The following PTGER3 variants were observed in gnomAD, a reference collection of about 807,000 sequenced individuals.
PTGER3 encodes the protein prostaglandin E2 receptor EP3 subtype.
In PTGER3, 22 loss-of-function variants were observed where a neutral mutation model predicts 34.7. The ratio of observed to expected loss-of-function variants is 0.63; its 90% CI spans 0.45 to 0.91. The LOEUF (loss-of-function observed/expected upper bound fraction) is 0.91, where lower values mean the gene tolerates loss of function less well. Among genes scored for constraint, PTGER3 ranks in the 40% least tolerant of loss-of-function variants. The pLI is 0.00. For synonymous variants in PTGER3, 241 were observed against 230.1 expected (o/e 1.05, Z -0.43); for missense variants, 468 against 519.4 (o/e 0.90, Z 0.96).
At position 71,012,404 on chromosome 1, in the gene PTGER3, G is replaced by C; in HGVS notation, c.978C>G (p.Asn326Lys). 6.2e-7 allele frequency: 1 copy of C among 1,614,140 alleles called. No homozygotes were observed. The highest frequency in any genetic ancestry group is 8.5e-7 in the Non-Finnish European group (1 of 1,180,020). ...CCAGGCGAACAGCTATTAAGAAGAA[G>C]TTGCATTCTTTCTGCTTCTCCGTGT... is the stretch of plus-strand genomic sequence containing the variant. ...KTHTEKQKECNFFLIAVRLAS... is the reference protein window; with the variant it reads ...KTHTEKQKECKFFLIAVRLAS... Residue 326 changes from asparagine (N) to lysine (K), a missense_variant, in exon 2 of 4, where the codon AAC becomes AAG. Coordinates refer to ENST00000306666, the MANE Select transcript of PTGER3 (RefSeq NM_198719.2).
At chr1:70,927,131 T>C (rs1648175447) in intron 4 of PTGER3, among the ~76,000 whole-genome samples, 1 of 152,246 alleles carries the variant, frequency 6.6e-6, no homozygotes, top group Admixed American at 6.5e-5. Flanking sequence ...AGGATATTGG[T>C]CTAAAATTCT....
intron 4 of PTGER3, among the ~76,000 whole-genome samples, chr1:70,912,542 T>C (rs1451519736): frequency 1.3e-5 from 2 of 152,082 alleles, no homozygotes; most frequent in Non-Finnish European, 2.9e-5. Flanking sequence ...TTGGAACCAC[T>C]ATTTTAAATC....
chr1:71,046,021 C>A (rs1016122230), intron 1 of PTGER3, among the ~76,000 whole-genome samples: 1 of 150,770 alleles, frequency 6.6e-6, no homozygotes, highest in South Asian at 2.1e-4. Flanking sequence ...CGGCCGGGCG[C>A]GGTGGCTCAC....
intron 2 of PTGER3, among the ~76,000 whole-genome samples, chr1:70,958,362 GA>G (rs1428150375): frequency 6.6e-6 from 1 of 152,044 alleles, no homozygotes; most frequent in African/African-American, 2.4e-5. Context: ...TTGTCTTTTT[GA>G]AAAAAGCTGT....
chr1:70,993,631 C>A (rs1422059253), intron 2 of PTGER3, among the ~76,000 whole-genome samples: 1 of 152,180 alleles, frequency 6.6e-6, no homozygotes, highest in Non-Finnish European at 1.5e-5. Context: ...GACTGGGAGG[C>A]TGCTCAGGTG....
chr1:70,882,521 C>T (rs180735702), intron 4 of PTGER3, among the ~76,000 whole-genome samples: 1 of 152,302 alleles, frequency 6.6e-6, no homozygotes, highest in Admixed American at 6.5e-5. Flanking sequence ...TTATTTCTCC[C>T]AGACACTGCA....
rs145909237 is a variant in PTGER3 at position 70,939,000 on chromosome 1, C to T, written c.*23+14763G>A. ...AACCCAAAAGTCCACAATTGAAAGTCTCATCTGAGACAAGACAAATCCCTT... is the reference window on the plus strand; with the variant it reads ...AACCCAAAAGTCCACAATTGAAAGTTTCATCTGAGACAAGACAAATCCCTT... On this transcript the variant is annotated intron_variant, in intron 4 of 4. Transcript: ENST00000370931. Among the ~76,000 whole-genome samples the T allele has an allele frequency of 7.1e-3, 1,085 of 152,272 alleles. 12 individuals are homozygous for T. Among genetic ancestry groups the T allele is most frequent in the African/African-American group, 0.025 (1,041 of 41,536 alleles).
intron 2 of PTGER3, among the ~76,000 whole-genome samples, chr1:70,979,305 A>G (rs992020079): frequency 1.4e-5 from 2 of 141,406 alleles, no homozygotes; most frequent in African/African-American, 5.3e-5. Context: ...TTTATAGGTG[A>G]AAAAAAAAAA....
chr1:70,976,575 T>C (rs1449179539), intron 2 of PTGER3, among the ~76,000 whole-genome samples: 4 of 152,308 alleles, frequency 2.6e-5, no homozygotes, highest in South Asian at 4.1e-4. Flanking sequence ...TTGTTACTAC[T>C]GTTTCTGACC....
In PTGER3 at chr1:70,971,349, CA is replaced by C. The variant is rs1429677392; in HGVS notation, c.*380del. ...ATACTGATTTTTCAAACTCATATTG[CA>C]AAAGCAAGCTATCATGAAATGTAAA... On this transcript the variant is annotated 3_prime_UTR_variant, in exon 4 of 4. Coordinates refer to ENST00000306666, the MANE Select transcript of PTGER3 (RefSeq NM_198719.2). 3.0e-6 allele frequency: 3 copies of C among 1,000,926 alleles called. No homozygotes were observed. The highest frequency in any genetic ancestry group is 3.6e-6 in the Non-Finnish European group (3 of 840,698). The allele number at this position is 1,000,926 out of a possible 1,614,324, so 62.0% of individuals were successfully genotyped here.
At chr1:70,970,012 G>T (rs1342380528), downstream of PTGER3, among the ~76,000 whole-genome samples, 2 of 143,610 alleles carry the variant, frequency 1.4e-5, no homozygotes, top group African/African-American at 2.8e-5. Flanking sequence ...GGCACAGCCA[G>T]ATTTAAATCC....
intron 4 of PTGER3, among the ~76,000 whole-genome samples, chr1:70,882,244 C>T (rs1486354058): frequency 1.3e-5 from 2 of 152,164 alleles, no homozygotes; most frequent in African/African-American, 2.4e-5. Context: ...GTCACCCACC[C>T]TACCATCTGG....
At chr1:70,952,047 G>T (rs1214173165), downstream of PTGER3, among the ~76,000 whole-genome samples, 1 of 152,150 alleles carries the variant, frequency 6.6e-6, no homozygotes, top group Non-Finnish European at 1.5e-5. Flanking sequence ...GGGCAGGAAA[G>T]ATCCTTATGT....
chr1:70,939,630 G>A (rs567756857), intron 4 of PTGER3, among the ~76,000 whole-genome samples: 1 of 152,228 alleles, frequency 6.6e-6, no homozygotes, highest in Non-Finnish European at 1.5e-5. Context: ...GCACCCACAG[G>A]CTCAACACCA....
At chr1:70,878,286 G>A (rs914019083) in intron 4 of PTGER3, among the ~76,000 whole-genome samples, 1 of 151,990 alleles carries the variant, frequency 6.6e-6, no homozygotes, top group Non-Finnish European at 1.5e-5. Flanking sequence ...TCTTTGAGGT[G>A]TTTTTGTGTT....
intron 4 of PTGER3, among the ~76,000 whole-genome samples, chr1:70,868,403 C>T (rs17481440): frequency 0.036 from 5,430 of 152,254 alleles, 166 homozygotes; most frequent in Middle Eastern, 0.11. Context: ...GGTTCTGTGT[C>T]TTATCTCCAT....
chr1:70,919,467 C>T (rs1647321048), intron 4 of PTGER3, among the ~76,000 whole-genome samples: 1 of 152,058 alleles, frequency 6.6e-6, no homozygotes, highest in African/African-American at 2.4e-5. Flanking sequence ...GAATAGAAAG[C>T]ATATCTTACA....
At chr1:71,036,918 A>G (rs1190135825) in intron 1 of PTGER3, among the ~76,000 whole-genome samples, 1 of 152,072 alleles carries the variant, frequency 6.6e-6, no homozygotes, top group Admixed American at 6.5e-5. Context: ...TCCCAGAAGT[A>G]AGGCTGATTC....
chr1:70,931,756 T>C (rs759835306), intron 4 of PTGER3, among the ~76,000 whole-genome samples: 1 of 152,132 alleles, frequency 6.6e-6, no homozygotes, highest in Non-Finnish European at 1.5e-5. Flanking sequence ...CTGACCCTGG[T>C]CCACAAAACT....
Sources: allele counts gnomAD v4.1 joint callset (sites outside exome capture counted in the v4.1 genomes callset), GRCh38; gene constraint gnomAD v4.1.1; transcripts MANE v1.5; gene names NCBI Gene and HGNC (gene_info 2026-07-23, HGNC 2026-07-21).